Variants in FCHSD1 observed in about 807,000 individuals in gnomAD.
FCHSD1 encodes FCH and double SH3 domains 1.
In FCHSD1, 109 loss-of-function variants were observed where a neutral mutation model predicts 101.3. The observed-to-expected ratio is 1.08, with a 90% CI of 0.92 to 1.26. The LOEUF is 1.26. FCHSD1 is among the 50% of genes most tolerant of loss of function. The pLI is 0.00. For synonymous variants in FCHSD1, 291 were observed against 356.8 expected (o/e 0.82, Z 2.08); for missense variants, 820 against 895.8 (o/e 0.92, Z 1.08).
At chr5:141,644,792 G>A (rs185985693) in intron 15 of FCHSD1, 67 bp downstream of exon 15, 22 of 1,603,584 alleles carry the variant, frequency 1.4e-5, no homozygotes, top group Non-Finnish European at 1.8e-5. Flanking sequence ...AAGGGTCTAT[G>A]GAGGCCACAG....
Position 141,649,847 on chromosome 5 carries a change from CT to C in FCHSD1, c.233+39del. 6.5e-7 allele frequency: 1 copy of C among 1,539,108 alleles called. No individual in the cohort carries two copies. On this transcript the variant is annotated intron_variant, in intron 4 of 19. Coordinates refer to ENST00000435817, the MANE Select transcript of FCHSD1 (RefSeq NM_033449.3). The surrounding 1 kb of genome is among the most constrained non-coding windows in gnomAD (Gnocchi z 4.1). ...GTTCCTGGGGCTGAGCTCCCCATCACTTTTTGGCCTCTGTGGCCCTCCCCCT... is the reference window on the plus strand; with the variant it reads ...GTTCCTGGGGCTGAGCTCCCCATCACTTTTGGCCTCTGTGGCCCTCCCCCT...
intron 3 of FCHSD1, 67 bp downstream of exon 3, chr5:141,650,292 G>C (rs1355893345): frequency 8.1e-6 from 13 of 1,598,644 alleles, no homozygotes; most frequent in Non-Finnish European, 1.1e-5. Context: ...GATAGGTATG[G>C]ACAGACATTA....
At chr5:141,643,810 T>C (rs541269326) in intron 17 of FCHSD1, among the ~76,000 whole-genome samples, 220 of 149,864 alleles carry the variant, frequency 1.5e-3, no homozygotes, top group Middle Eastern at 3.4e-3. Context: ...ATCGCACCAT[T>C]GCACTCCAGC....
Position 141,643,032 on chromosome 5 carries a change from C to T in FCHSD1, c.1920G>A (p.Leu640=), listed in dbSNP as rs780026064. 2.6e-6 allele frequency: 4 copies of T among 1,563,158 alleles called. No homozygotes were observed. Among genetic ancestry groups the T allele is most frequent in the South Asian group, 1.2e-5 (1 of 84,898 alleles). Residue 640 remains leucine, a synonymous_variant, in exon 18 of 20, where the codon TTG becomes TTA. Coordinates refer to ENST00000435817, the MANE Select transcript of FCHSD1 (RefSeq NM_033449.3). ...GCAGGACAGGTGCAGGGGGCCCATC[C>T]AACACAGAGGTAGGTGCAGGTGGGG... ...SFSPPAPTSV[L]DGPPAPVLPG...
intron 1 of FCHSD1, 26 bp downstream of exon 1, chr5:141,651,322 G>C: frequency 6.4e-7 from 1 of 1,553,056 alleles, no homozygotes; most frequent in Non-Finnish European, 8.7e-7. Context: ...AGCCCGCCAG[G>C]AGTCCCCATT....
At position 141,644,730 on chromosome 5, in the gene FCHSD1, C is replaced by A. The variant is rs147101461; in HGVS notation, c.1525-40G>T. On this transcript the variant is annotated intron_variant, in intron 15 of 19. Transcript: ENST00000435817. Reference sequence around the variant, plus strand: ...ATGTGAACAGATATTAGACTTACCTCAGCAGTCCATGACCCTGGCTCTCTT... The same window carrying A: ...ATGTGAACAGATATTAGACTTACCTAAGCAGTCCATGACCCTGGCTCTCTT... The A allele has an allele frequency of 1.4e-5, 23 of 1,611,590 alleles. No individual in the cohort carries two copies. In the Admixed American group the frequency reaches 3.0e-4, roughly 21 times the overall value.
intron 2 of FCHSD1, among the ~76,000 whole-genome samples, 194 bp from the exon 3 acceptor site, chr5:141,650,598 A>G (rs1481668705): frequency 6.6e-6 from 1 of 151,282 alleles, no homozygotes; most frequent in East Asian, 1.9e-4. Flanking sequence ...AACACAGGAA[A>G]CCCTCACCTT....
intron 8 of FCHSD1, 133 bp downstream of exon 8, chr5:141,647,835 A>C: frequency 7.7e-7 from 1 of 1,298,058 alleles, no homozygotes; most frequent in Admixed American, 2.3e-5. Context: ...ACCAGAGTGC[A>C]TGTATGTATC....
At position 141,641,086 on chromosome 5, in the gene FCHSD1, C is replaced by T. The variant is rs929919644; in HGVS notation, c.*412G>A. 29 of 302,914 alleles carry T rather than the reference C, an allele frequency of 9.6e-5. No individual in the cohort carries two copies. Among genetic ancestry groups the T allele is most frequent in the Admixed American group, 6.9e-4 (15 of 21,846 alleles). 18.8% of individuals were successfully genotyped at this position (302,914 alleles called of 1,614,324 possible). A position where few individuals can be genotyped will look rare whatever the true frequency, so the allele number is the denominator to read the frequency against. ...ATTACAGCTGCTTCGCATCCTGGCT[C>T]CAGCTCCTGATTCCCAAGGCCTGTT... On this transcript the variant is annotated 3_prime_UTR_variant, in exon 20 of 20. Transcript: ENST00000435817.
intron 11 of FCHSD1, 185 bp downstream of exon 11, chr5:141,646,418 T>C (rs2099907658): frequency 1.9e-6 from 2 of 1,059,340 alleles, no homozygotes; most frequent in Admixed American, 4.9e-5. Context: ...AGAAGAGAAT[T>C]TGAACCTATG....
intron 1 of FCHSD1, 41 bp from the exon 2 acceptor site, chr5:141,651,158 C>A (rs747931152): frequency 6.5e-7 from 1 of 1,550,112 alleles, no homozygotes; most frequent in East Asian, 2.4e-5. Context: ...AGCGCAAGGA[C>A]CTAAAAAACA....
chr5:141,641,898 C>T (rs2099906945), intron 18 of FCHSD1, 141 bp from the exon 19 acceptor site: 9 of 847,378 alleles, frequency 1.1e-5, no homozygotes, highest in East Asian at 5.3e-5. Flanking sequence ...TCACTCTATC[C>T]ACTGTCCTCA....
intron 10 of FCHSD1, 27 bp from the exon 11 acceptor site, chr5:141,646,749 G>T: frequency 6.2e-7 from 1 of 1,606,404 alleles, no homozygotes; most frequent in South Asian, 1.1e-5. Context: ...GTGCTGTGAG[G>T]AGGACCTGAG....
At position 141,651,047 on chromosome 5, in the gene FCHSD1, C is replaced by T; in HGVS notation, c.92G>A (p.Arg31Lys). The change falls in exon 2 of 20, where the codon AGG (arginine) becomes AAG (lysine). Residue 31 changes from arginine to lysine, a missense_variant. Coordinates refer to ENST00000435817, the MANE Select transcript of FCHSD1 (RefSeq NM_033449.3). ...QLSILQTWQQREADLLEDIRS... is the reference protein window; with the variant it reads ...QLSILQTWQQKEADLLEDIRS... ...GATGTCCTCCAGCAGATCCGCCTCC[C>T]TCTGCTGCCAGGTCTGAAGGATGCT... The T allele has an allele frequency of 6.3e-7, 1 of 1,597,570 alleles. No homozygotes were observed. Among genetic ancestry groups the T allele is most frequent in the South Asian group, 1.1e-5 (1 of 88,102 alleles).
rs1261782704 is a variant in FCHSD1, at chr5:141,640,807, C to T, written c.*691G>A. 8 of 823,526 alleles carry T rather than the reference C, an allele frequency of 9.7e-6. No homozygotes were observed. The highest frequency in any genetic ancestry group is 8.0e-5 in the East Asian group (3 of 37,420). 51.0% of individuals were successfully genotyped at this position (823,526 alleles called of 1,614,324 possible). A position where few individuals can be genotyped will look rare whatever the true frequency, so the allele number is the denominator to read the frequency against. The stretch of plus-strand genomic sequence containing the variant: ...ACTTCCACCTGGAGTTGCACAGTCT[C>T]AGGCTGGGGGCCTCAGGAGAGGTCA... On this transcript the variant is annotated 3_prime_UTR_variant, in exon 20 of 20. Transcript: ENST00000435817.
Position 141,640,087 on chromosome 5 carries a change from CT to C in FCHSD1, c.*1410del. On this transcript the variant is annotated 3_prime_UTR_variant, in exon 20 of 20. Coordinates refer to ENST00000435817, the MANE Select transcript of FCHSD1 (RefSeq NM_033449.3). ...ATGCCTGCCATGGAGAGGCTGCCCC[CT>C]GAGAGGCCACAGCCCCAGGTCCTAG... 1 of 1,613,606 alleles carries C rather than the reference CT, an allele frequency of 6.2e-7. No individual in the cohort carries two copies. Among genetic ancestry groups the C allele is most frequent in the African/African-American group, 1.3e-5 (1 of 75,038 alleles).
At position 141,649,033 on chromosome 5, in the gene FCHSD1, G is replaced by C. The variant is rs375639972; in HGVS notation, c.513-13C>G. 1.7e-5 allele frequency: 28 copies of C among 1,613,866 alleles called. No homozygotes were observed. The highest frequency in any genetic ancestry group is 2.0e-5 in the Non-Finnish European group (24 of 1,179,896). On this transcript the variant is annotated splice_polypyrimidine_tract_variant and intron_variant, in intron 6 of 19. Transcript: ENST00000435817. The surrounding 1 kb of genome is among the most constrained non-coding windows in gnomAD (Gnocchi z 4.1). The stretch of plus-strand genomic sequence containing the variant: ...ACTTCGGTTTAGCCTGTGCAGATGA[G>C]AGAAAGGAGTCAGGCCCACCCCAAG...
rs2099907487 is a variant in FCHSD1 at position 141,645,139 on chromosome 5, C to T, written c.1321G>A (p.Ala441Thr). The change falls in exon 14 of 20, where the codon GCT becomes ACT. Residue 441 changes from alanine (A) to threonine (T), a missense_variant. Coordinates refer to ENST00000435817, the MANE Select transcript of FCHSD1 (RefSeq NM_033449.3). ...CATTCCTCAAAGTCAGAAAGCTCAG[C>T]ATCCTCAGCCTAGAGGGGCAAAGAA... ...QRDLSPTAED[A>T]ELSDFEECEE... The T allele has an allele frequency of 6.4e-7, 1 of 1,552,600 alleles. No individual in the cohort carries two copies.
chr5:141,643,202 C>A, intron 17 of FCHSD1, 114 bp from the exon 18 acceptor site: 2 of 721,202 alleles, frequency 2.8e-6, no homozygotes, highest in Non-Finnish European at 4.2e-6. Context: ...AGGAAGTGGC[C>A]AAATGCTTGC....
Sources: gnomAD v4.1 joint callset for allele counts (sites outside exome capture counted in the v4.1 genomes callset) on GRCh38, gnomAD v4.1.1 for gene constraint, Gnocchi (gnomAD v3.1) non-coding constraint, MANE v1.5 for transcripts, NCBI Gene and HGNC (gene_info 2026-07-23, HGNC 2026-07-21) for gene names.